The following MTIF3 variants were observed in gnomAD, a reference collection of about 807,000 sequenced individuals.
MTIF3 encodes translation initiation factor IF-3, mitochondrial.
In MTIF3, 13 loss-of-function variants were observed where a neutral mutation model predicts 20.7. The ratio of observed to expected loss-of-function variants is 0.63; its 90% CI spans 0.41 to 1.00. The LOEUF (loss-of-function observed/expected upper bound fraction) is 1.00, where lower values mean the gene tolerates loss of function less well. Ranked by LOEUF, MTIF3 falls within the 50% of genes least tolerant of loss-of-function variation. MTIF3 has a pLI of 0.00. For missense variants in MTIF3, 295 were observed against 324.5 expected (o/e 0.91, Z 0.70); for synonymous variants, 114 against 112.5 (o/e 1.01, Z -0.08).
chr13:27,435,749 G>C lies in MTIF3; in HGVS notation c.763C>G (p.Gln255Glu). 6.2e-7 allele frequency: 1 copy of C among 1,614,024 alleles called. No homozygotes were observed. The highest frequency in any genetic ancestry group is 8.5e-7 in the Non-Finnish European group (1 of 1,179,974). Residue 255 changes from glutamine (Q) to glutamate (E), a missense_variant, in exon 5 of 5, where the codon CAA becomes GAA. By Grantham distance (29) the Gln-to-Glu change is conservative. Coordinates refer to ENST00000381120, the MANE Select transcript of MTIF3 (RefSeq NM_152912.5). ...AAAGTGTCTCTTTCCTGGGTCTCTTGAGTTTCTTTATATGCCTTCTCCTCA... is the reference window on the plus strand; with the variant it reads ...AAAGTGTCTCTTTCCTGGGTCTCTTCAGTTTCTTTATATGCCTTCTCCTCA... ...KNEEKAYKETQETQERDTLNK... is the reference protein window; with the variant it reads ...KNEEKAYKETEETQERDTLNK...
intron 1 of MTIF3, chr13:27,450,175 G>C (rs535785605): frequency 6.6e-6 from 1 of 152,302 alleles, no homozygotes; most frequent in African/African-American, 2.4e-5. Flanking sequence ...GCCAGGGCTA[G>C]AGACGGGACG....
intron 2 of MTIF3, among the ~76,000 whole-genome samples, chr13:27,442,073 G>A (rs901312121): frequency 8.5e-5 from 13 of 152,144 alleles, no homozygotes; most frequent in Non-Finnish European, 1.9e-4. Context: ...AGGGTTAACC[G>A]CCTACCCAAC....
At chr13:27,445,747 C>CA (rs1486088641) in intron 1 of MTIF3, among the ~76,000 whole-genome samples, 1 of 152,078 alleles carries the variant, frequency 6.6e-6, no homozygotes, top group Non-Finnish European at 1.5e-5. Flanking sequence ...GCAGCTTTGC[C>CA]AAAAAGGTTT....
At position 27,447,499 on chromosome 13, in the gene MTIF3, C is replaced by A. The variant is rs138379646; in HGVS notation, c.-70-2343G>T. Among the ~76,000 whole-genome samples, 740 of 152,280 alleles carry A rather than the reference C, an allele frequency of 4.9e-3. 5 individuals are homozygous for A. Among genetic ancestry groups the A allele is most frequent in the Non-Finnish European group, 8.1e-3 (552 of 68,022 alleles). On this transcript the variant is annotated intron_variant, in intron 1 of 4. Coordinates refer to ENST00000381120, the MANE Select transcript of MTIF3 (RefSeq NM_152912.5). ...TACTCTCCGAGACAGCCACAATATTCTAAAAACCAATTATCTTAATGTCAA... is the reference window on the plus strand; with the variant it reads ...TACTCTCCGAGACAGCCACAATATTATAAAAACCAATTATCTTAATGTCAA...
chr13:27,448,830 G>T (rs1045190091), intron 1 of MTIF3, among the ~76,000 whole-genome samples: 1 of 152,168 alleles, frequency 6.6e-6, no homozygotes, highest in Non-Finnish European at 1.5e-5. Context: ...CTTGAGGTCA[G>T]AAGTTCAAGA....
chr13:27,435,950 A>C, intron 4 of MTIF3, 57 bp from the exon 5 acceptor site: 3 of 1,434,628 alleles, frequency 2.1e-6, no homozygotes, highest in Non-Finnish European at 2.9e-6. Context: ...GGTGCTTTCT[A>C]ATGTTCTGCT....
chr13:27,438,610 C>G (rs1171358648), intron 3 of MTIF3, among the ~76,000 whole-genome samples: 3 of 151,674 alleles, frequency 2.0e-5, no homozygotes, highest in Admixed American at 6.6e-5. Context: ...ATCCTCCCAC[C>G]TCAGCCTCCC....
At chr13:27,444,032 A>ACG (rs1566086906) in intron 2 of MTIF3, among the ~76,000 whole-genome samples, 27 of 152,222 alleles carry the variant, frequency 1.8e-4, no homozygotes, top group Admixed American at 3.3e-4. Flanking sequence ...GGCCGGGTGC[A>ACG]GTGGCTCACG....
At chr13:27,444,484 A>C (rs1354185224) in intron 2 of MTIF3, among the ~76,000 whole-genome samples, 2 of 152,256 alleles carry the variant, frequency 1.3e-5, no homozygotes, top group Non-Finnish European at 2.9e-5. Context: ...AAAATTGAAA[A>C]TATACGTTTC....
At chr13:27,438,393 G>A (rs7985380) in intron 3 of MTIF3, among the ~76,000 whole-genome samples, 4,040 of 151,100 alleles carry the variant, frequency 0.027, 176 homozygotes, top group African/African-American at 0.093. Flanking sequence ...GGGAGGCAGA[G>A]GTGGGAGGAT....
At chr13:27,448,766 G>A (rs1036006529) in intron 1 of MTIF3, among the ~76,000 whole-genome samples, 1 of 152,208 alleles carries the variant, frequency 6.6e-6, no homozygotes, top group Non-Finnish European at 1.5e-5. Context: ...GGCCGGGCAC[G>A]GTGGCTCACG....
intron 2 of MTIF3, among the ~76,000 whole-genome samples, chr13:27,442,991 C>T (rs901612950): frequency 2.0e-5 from 3 of 152,192 alleles, no homozygotes; most frequent in African/African-American, 7.2e-5. Flanking sequence ...ATGCACATGT[C>T]GAATGAATGC....
At chr13:27,444,259 T>G (rs542407664) in intron 2 of MTIF3, among the ~76,000 whole-genome samples, 2 of 151,746 alleles carry the variant, frequency 1.3e-5, no homozygotes, top group African/African-American at 2.4e-5. Context: ...TGAGCGAGAT[T>G]GCGCCACTGC....
At chr13:27,449,636 A>C (rs1954294184) in intron 1 of MTIF3, among the ~76,000 whole-genome samples, 1 of 152,262 alleles carries the variant, frequency 6.6e-6, no homozygotes, top group South Asian at 2.1e-4. Flanking sequence ...TCTACAGTCC[A>C]GTTGACCTTT....
Position 27,439,990 on chromosome 13 carries a change from A to G in MTIF3, c.459T>C (p.Thr153=). Residue 153 remains threonine, a splice_region_variant and synonymous_variant, in exon 3 of 5, where the codon ACT becomes ACC. Coordinates refer to ENST00000381120, the MANE Select transcript of MTIF3 (RefSeq NM_152912.5). ...LREMEKANPK[T]GPTLRKELIL... The stretch of plus-strand genomic sequence containing the variant: ...GGGAGCCAACAGCAAAATACCTACC[A>G]GTTTTGGGGTTCGCCTTCTCCATCT... The G allele has an allele frequency of 6.2e-7, 1 of 1,612,028 alleles. No individual in the cohort carries two copies. Among genetic ancestry groups the G allele is most frequent in the Non-Finnish European group, 8.5e-7 (1 of 1,178,264 alleles).
rs1954337929 is a variant in MTIF3, at chr13:27,450,557, GGAT to G, written c.-122_-120del. 1 of 140,276 alleles carries G rather than the reference GGAT, an allele frequency of 7.1e-6. No individual in the cohort carries two copies. Among genetic ancestry groups the G allele is most frequent in the Non-Finnish European group, 1.5e-5 (1 of 68,018 alleles). The allele number at this position is 140,276 out of a possible 1,614,324, so 8.7% of individuals were successfully genotyped here. The stretch of plus-strand genomic sequence containing the variant: ...ATACTGTAGCGGACGCAAGTACAGC[GGAT>G]CTGCGGCGAGTCCCCTTCGCTCTCC... On this transcript the variant is annotated 5_prime_UTR_variant, in exon 1 of 5. Coordinates refer to ENST00000381120, the MANE Select transcript of MTIF3 (RefSeq NM_152912.5).
At chr13:27,447,391 C>T (rs1230741956) in intron 1 of MTIF3, among the ~76,000 whole-genome samples, 7 of 151,962 alleles carry the variant, frequency 4.6e-5, no homozygotes, top group African/African-American at 1.5e-4. Context: ...CTGAAGAGGC[C>T]AGGAGACTAA....
intron 2 of MTIF3, among the ~76,000 whole-genome samples, chr13:27,444,431 C>T (rs1954107693): frequency 6.6e-6 from 1 of 152,128 alleles, no homozygotes; most frequent in African/African-American, 2.4e-5. Flanking sequence ...CAATTCATTG[C>T]AATTAAGCTT....
chr13:27,446,427 G>A lies in MTIF3; in HGVS notation c.-70-1271C>T, dbSNP rs537954564. Among the ~76,000 whole-genome samples, 7 of 152,326 alleles carry A rather than the reference G, an allele frequency of 4.6e-5. No homozygotes were observed. In the East Asian group the frequency reaches 1.3e-3, roughly 29 times the overall value. On this transcript the variant is annotated intron_variant, in intron 1 of 4. Transcript: ENST00000381120. The stretch of plus-strand genomic sequence containing the variant: ...GCTGAAGTATTTAGGATAGTGTCAT[G>A]ACATCTATCACTTGCTTTGAAACCA...
Sources: allele counts gnomAD v4.1 joint callset (sites outside exome capture counted in the v4.1 genomes callset), GRCh38; gene constraint gnomAD v4.1.1; transcripts MANE v1.5; gene names NCBI Gene and HGNC (gene_info 2026-07-23, HGNC 2026-07-21).